DOCK7: variants seen among roughly 807,000 people sequenced by gnomAD.
DOCK7 encodes the protein dedicator of cytokinesis protein 7.
A neutral mutation model predicts 271.0 loss-of-function variants in DOCK7; 138 were observed. That is an observed-to-expected ratio of 0.51 (90% confidence interval 0.44 to 0.59). The LOEUF (loss-of-function observed/expected upper bound fraction) is 0.59, where lower values mean the gene tolerates loss of function less well. Ranked by LOEUF, DOCK7 falls within the 20% of genes least tolerant of loss-of-function variation. The pLI, the probability that DOCK7 is intolerant of heterozygous loss-of-function variation, is 0.00. For missense variants in DOCK7, 2,066 were observed against 2,592.4 expected, an observed-to-expected ratio of 0.80 and a Z score of 4.41; for synonymous variants, 823 against 876.1, an observed-to-expected ratio of 0.94 and a Z score of 1.07.
At chr1:62,480,735 G>A (rs1408372723) in intron 43 of DOCK7, among the ~76,000 whole-genome samples, 3 of 152,150 alleles carry the variant, frequency 2.0e-5, no homozygotes, top group Non-Finnish European at 4.4e-5. Context: ...CAGGCCAGGC[G>A]CGGTGGCTCA....
intron 16 of DOCK7, among the ~76,000 whole-genome samples, chr1:62,580,433 GC>G (rs1229037875): frequency 6.6e-6 from 1 of 152,056 alleles, no homozygotes; most frequent in Non-Finnish European, 1.5e-5. Flanking sequence ...TTCCACTAAT[GC>G]TGAGAACAAA....
chr1:62,633,753 C>A, intron 9 of DOCK7, 175 bp from the exon 10 acceptor site: 1 of 531,372 alleles, frequency 1.9e-6, no homozygotes, highest in Non-Finnish European at 3.3e-6. Flanking sequence ...ATGGCAGAAA[C>A]GCTCAACAAA....
At chr1:62,463,171 G>T (rs1485920458) in intron 48 of DOCK7, among the ~76,000 whole-genome samples, 1 of 152,180 alleles carries the variant, frequency 6.6e-6, no homozygotes, top group Admixed American at 6.5e-5. Flanking sequence ...TAACTTTACA[G>T]AGGAGGGAAG....
At chr1:62,667,679 T>C (rs998833475) in intron 1 of DOCK7, among the ~76,000 whole-genome samples, 3 of 152,084 alleles carry the variant, frequency 2.0e-5, no homozygotes, top group Admixed American at 6.5e-5. Context: ...ATCACGTGAC[T>C]GCACTCCAGC....
chr1:62,650,822 C>T (rs1168094), intron 4 of DOCK7, among the ~76,000 whole-genome samples: 147,095 of 151,334 alleles, frequency 0.97, 71,618 homozygotes, highest in Middle Eastern at 1. Flanking sequence ...TGTGGAGAAA[C>T]AGGAACACTT....
chr1:62,524,884 A>G (rs1219183773), intron 31 of DOCK7, among the ~76,000 whole-genome samples: 2 of 146,664 alleles, frequency 1.4e-5, no homozygotes, highest in South Asian at 2.2e-4. Flanking sequence ...CCTGGGCTAC[A>G]GTGCAGGGCT....
intron 4 of DOCK7, among the ~76,000 whole-genome samples, chr1:62,651,425 T>C (rs1208980242): frequency 7.3e-6 from 1 of 137,448 alleles, no homozygotes; most frequent in African/African-American, 2.8e-5. Flanking sequence ...GTTGTGCACA[T>C]GTACCCTAGA....
chr1:62,674,817 A>T (rs956553654), intron 1 of DOCK7, among the ~76,000 whole-genome samples: 6 of 152,228 alleles, frequency 3.9e-5, no homozygotes, highest in Non-Finnish European at 8.8e-5. Context: ...AATGGAACAT[A>T]AACCTTAATA....
Position 62,688,334 on chromosome 1 carries a change from T to TCCTCGCTCGTGCTC in DOCK7, c.-84_-71dup, listed in dbSNP as rs1557915883. On this transcript the variant is annotated 5_prime_UTR_variant, in exon 1 of 50. Transcript: ENST00000635253. ...GGGTGCGGACCGGCGGGCGCGTGCCTCCTCGCTCGTGCTCCCTCCCTCGCG... is the reference window on the plus strand; with the variant it reads ...GGGTGCGGACCGGCGGGCGCGTGCCTCCTCGCTCGTGCTCCCTCGCTCGTGCTCCCTCCCTCGCG... 9.6e-7 allele frequency: 1 copy of TCCTCGCTCGTGCTC among 1,042,468 alleles called. No homozygotes were observed. Among genetic ancestry groups the TCCTCGCTCGTGCTC allele is most frequent in the African/African-American group, 1.7e-5 (1 of 59,166 alleles). The allele number at this position is 1,042,468 out of a possible 1,614,324, so 64.6% of individuals were successfully genotyped here.
At chr1:62,620,152 T>C (rs1652977205) in intron 12 of DOCK7, among the ~76,000 whole-genome samples, 159 bp from the exon 13 acceptor site, 1 of 151,440 alleles carries the variant, frequency 6.6e-6, no homozygotes, top group Non-Finnish European at 1.5e-5. Context: ...AAACCCCGTC[T>C]CTACTAAAAA....
intron 12 of DOCK7, among the ~76,000 whole-genome samples, chr1:62,624,810 T>TA (rs1557821246): frequency 6.6e-6 from 1 of 152,012 alleles, no homozygotes; most frequent in African/African-American, 2.4e-5. Flanking sequence ...CTGTCTCTAC[T>TA]AAAAAATACA....
At chr1:62,676,031 T>C (rs1660517309) in intron 1 of DOCK7, among the ~76,000 whole-genome samples, 1 of 152,146 alleles carries the variant, frequency 6.6e-6, no homozygotes, top group Non-Finnish European at 1.5e-5. Context: ...GCAATTCCAC[T>C]CCTAGATAGG....
intron 37 of DOCK7, among the ~76,000 whole-genome samples, chr1:62,500,658 T>G (rs983232239): frequency 6.6e-5 from 10 of 152,096 alleles, no homozygotes; most frequent in South Asian, 2.1e-4. Context: ...GGGGGAAAAA[T>G]GTTATTTAAA....
At chr1:62,559,286 A>T in intron 19 of DOCK7, 66 bp from the exon 20 acceptor site, 2 of 1,193,878 alleles carry the variant, frequency 1.7e-6, no homozygotes, top group Non-Finnish European at 2.4e-6. Context: ...CTTCTAAAGG[A>T]CCACGGACCA....
At chr1:62,617,802 C>T (rs989628978) in intron 14 of DOCK7, among the ~76,000 whole-genome samples, 1 of 151,520 alleles carries the variant, frequency 6.6e-6, no homozygotes, top group Admixed American at 6.6e-5. Flanking sequence ...TTTCACAGTG[C>T]TGATCTAGAT....
intron 1 of DOCK7, among the ~76,000 whole-genome samples, chr1:62,675,508 C>T (rs1378334696): frequency 1.3e-5 from 2 of 152,166 alleles, no homozygotes; most frequent in South Asian, 2.1e-4. Context: ...GTTGGCCAGA[C>T]GCGATGGCTC....
At chr1:62,671,093 C>T (rs1205570755) in intron 1 of DOCK7, among the ~76,000 whole-genome samples, 4 of 152,012 alleles carry the variant, frequency 2.6e-5, no homozygotes, top group Non-Finnish European at 5.9e-5. Context: ...CCTGAGCCAG[C>T]GAGACCACGA....
intron 15 of DOCK7, among the ~76,000 whole-genome samples, chr1:62,585,395 A>G (rs899072304): frequency 2.6e-5 from 4 of 152,196 alleles, no homozygotes; most frequent in African/African-American, 9.6e-5. Flanking sequence ...TTTTCATCCC[A>G]CTAGGGTTCT....
intron 22 of DOCK7, among the ~76,000 whole-genome samples, chr1:62,550,486 T>C (rs1018255190): frequency 2.0e-5 from 3 of 152,052 alleles, no homozygotes; most frequent in Non-Finnish European, 4.4e-5. Flanking sequence ...AGGAATTAAA[T>C]CATTTCCTGG....
Sources: allele counts gnomAD v4.1 joint callset (sites outside exome capture counted in the v4.1 genomes callset), GRCh38; gene constraint gnomAD v4.1.1; transcripts MANE v1.5; gene names NCBI Gene and HGNC (gene_info 2026-07-23, HGNC 2026-07-21).